Variants in FMNL2 observed in about 807,000 individuals in gnomAD.
FMNL2 encodes formin like 2.
A neutral mutation model predicts 130.2 loss-of-function variants in FMNL2; 51 were observed. That is an observed-to-expected ratio of 0.39 (90% CI 0.31 to 0.49). FMNL2 has a LOEUF of 0.49. Ranked by LOEUF, FMNL2 falls within the 20% of genes least tolerant of loss-of-function variation. The pLI is 0.85. For synonymous variants in FMNL2, 465 were observed against 467.1 expected, an observed-to-expected ratio of 1.00 and a Z score of 0.06; for missense variants, 977 against 1,316.2, an observed-to-expected ratio of 0.74 and a Z score of 3.99.
intron 1 of FMNL2, chr2:152,389,797 G>T: frequency 6.9e-7 from 1 of 1,451,376 alleles, no homozygotes; most frequent in Admixed American, 1.7e-5. Flanking sequence ...ACGCAAAACA[G>T]ACTTTTTCAC....
intron 2 of FMNL2, among the ~76,000 whole-genome samples, chr2:152,540,492 T>C (rs1057095968): frequency 1.3e-5 from 2 of 152,150 alleles, no homozygotes; most frequent in African/African-American, 4.8e-5. Flanking sequence ...AGAGTTCATA[T>C]ACTACAAAAT....
intron 1 of FMNL2, among the ~76,000 whole-genome samples, chr2:152,519,078 C>G (rs1298359533): frequency 2.0e-5 from 3 of 152,146 alleles, no homozygotes; most frequent in African/African-American, 7.2e-5. Context: ...AAGCTAATTC[C>G]TGCCTTTGAG....
intron 3 of FMNL2, among the ~76,000 whole-genome samples, chr2:152,544,267 G>A (rs974290560): frequency 6.6e-6 from 1 of 152,092 alleles, no homozygotes. Flanking sequence ...AATGAGCCAG[G>A]CATGGTGGCA....
At chr2:152,534,688 G>T (rs1693895275) in intron 2 of FMNL2, among the ~76,000 whole-genome samples, 1 of 146,898 alleles carries the variant, frequency 6.8e-6, no homozygotes, top group Admixed American at 7.0e-5. Flanking sequence ...CTTTCTTTTT[G>T]TTTGAAAGGC....
Position 152,589,106 on chromosome 2 carries a change from T to TAAA in FMNL2, c.876+8069_876+8071dup, listed in dbSNP as rs397940537. On this transcript the variant is annotated intron_variant, in intron 9 of 25. Coordinates refer to ENST00000288670, the MANE Select transcript of FMNL2 (RefSeq NM_052905.4). ...CTTTTTTGGTGGTCCTGGGGGAGCT[T>TAAA]AAAAAAAAAAAAAAGAGGAAGTACA... Among the ~76,000 whole-genome samples, 747 of 141,958 alleles carry TAAA rather than the reference T, an allele frequency of 5.3e-3. 4 individuals carry two copies. Among genetic ancestry groups the TAAA allele is most frequent in the Non-Finnish European group, 6.2e-3 (402 of 64,924 alleles). The allele number at this position is 141,958 out of a possible 152,430, so 93.1% of individuals were successfully genotyped here. A position where few individuals can be genotyped will look rare whatever the true frequency, so the allele number is the denominator to read the frequency against.
At chr2:152,514,004 C>T (rs1456689313) in intron 1 of FMNL2, among the ~76,000 whole-genome samples, 35 of 152,030 alleles carry the variant, frequency 2.3e-4, no homozygotes, top group Admixed American at 2.2e-3. Context: ...GTTGTTTGGA[C>T]CATGAATATA....
chr2:152,641,335 A>C (rs1341900628), intron 25 of FMNL2, among the ~76,000 whole-genome samples: 3 of 152,242 alleles, frequency 2.0e-5, no homozygotes, highest in African/African-American at 7.2e-5. Flanking sequence ...TAGGTACTTT[A>C]ATTTGGGTGA....
chr2:152,624,864 C>T (rs936541625), intron 15 of FMNL2, among the ~76,000 whole-genome samples: 5 of 152,112 alleles, frequency 3.3e-5, no homozygotes, highest in Non-Finnish European at 7.3e-5. Context: ...CCATTCATAT[C>T]CCTTAGTCTG....
chr2:152,584,100 T>C (rs1248143424), intron 9 of FMNL2, among the ~76,000 whole-genome samples: 28 of 152,148 alleles, frequency 1.8e-4, no homozygotes, highest in Admixed American at 1.8e-3. Context: ...AATCCCTTCC[T>C]CTTTTTCTCC....
At chr2:152,634,860 C>T (rs1338193586) in intron 21 of FMNL2, among the ~76,000 whole-genome samples, 3 of 151,964 alleles carry the variant, frequency 2.0e-5, no homozygotes, top group East Asian at 1.9e-4. Flanking sequence ...GTAATGGTTT[C>T]GCTGGAATTC....
At chr2:152,456,334 T>C (rs1331099078) in intron 1 of FMNL2, among the ~76,000 whole-genome samples, 1 of 152,180 alleles carries the variant, frequency 6.6e-6, no homozygotes, top group East Asian at 1.9e-4. Flanking sequence ...CTTACCTGTT[T>C]TAGTGAGTCA....
At chr2:152,640,133 A>G (rs1350710204) in intron 24 of FMNL2, 77 bp downstream of exon 24, 34 of 1,297,688 alleles carry the variant, frequency 2.6e-5, no homozygotes, top group Non-Finnish European at 3.3e-5. Flanking sequence ...CATACAAAGG[A>G]CCAGCAAGCC....
chr2:152,491,669 G>A (rs1323391823), intron 1 of FMNL2, among the ~76,000 whole-genome samples: 3 of 152,198 alleles, frequency 2.0e-5, no homozygotes, highest in South Asian at 2.1e-4. Flanking sequence ...CTATAGATCA[G>A]CCAGGGTGTG....
intron 12 of FMNL2, among the ~76,000 whole-genome samples, chr2:152,616,699 G>GT (rs1352617062): frequency 1.3e-5 from 2 of 152,158 alleles, no homozygotes; most frequent in African/African-American, 4.8e-5. Flanking sequence ...AAAGAACCAA[G>GT]TTTACTGTGT....
At chr2:152,637,728 G>A (rs1222835525) in intron 23 of FMNL2, 54 bp downstream of exon 23, 3 of 1,513,802 alleles carry the variant, frequency 2.0e-6, no homozygotes, top group African/African-American at 2.7e-5. Flanking sequence ...CCCTCCTTGA[G>A]ATGTGTCTGA....
chr2:152,437,420 C>T lies in FMNL2; in HGVS notation c.118-84523C>T, dbSNP rs140556042. ...AAAGAATGTCTGATAGTATACTGAG[C>T]AGAGAAACTTACTGTAACTGCAAAG... On this transcript the variant is annotated intron_variant, in intron 1 of 25. Coordinates refer to ENST00000288670, the MANE Select transcript of FMNL2 (RefSeq NM_052905.4). 3.5e-3 allele frequency among the ~76,000 whole-genome samples: 539 copies of T among 152,212 alleles called. 4 individuals carry two copies. Among genetic ancestry groups the T allele is most frequent in the African/African-American group, 0.012 (519 of 41,540 alleles).
In FMNL2 at chr2:152,619,308, G is replaced by C. The variant is rs184137190; in HGVS notation, c.1627+150G>C. 13 of 1,301,406 alleles carry C rather than the reference G, an allele frequency of 1.0e-5. No individual in the cohort carries two copies. The Admixed American group carries it at 3.1e-4, about 31-fold the overall frequency. 80.6% of individuals were successfully genotyped at this position (1,301,406 alleles called of 1,614,324 possible). On this transcript the variant is annotated intron_variant, in intron 14 of 25. Transcript: ENST00000288670. ...AGTAGTTCTTAACTGTTTACATTTT[G>C]AGATTAAATTTATAAATCCTCATTT...
chr2:152,590,006 T>TAC (rs1697334251), intron 9 of FMNL2, among the ~76,000 whole-genome samples: 2 of 140,298 alleles, frequency 1.4e-5, no homozygotes, highest in African/African-American at 2.7e-5. Flanking sequence ...TGTATATATA[T>TAC]ATACATATAC....
chr2:152,381,950 C>A (rs1348168016), intron 1 of FMNL2, among the ~76,000 whole-genome samples: 3 of 152,024 alleles, frequency 2.0e-5, no homozygotes, highest in South Asian at 4.1e-4. Flanking sequence ...AAGCAGGCAT[C>A]ATCACACCCA....
Sources: gnomAD v4.1 joint callset for allele counts (sites outside exome capture counted in the v4.1 genomes callset) on GRCh38, gnomAD v4.1.1 for gene constraint, MANE v1.5 for transcripts, NCBI Gene and HGNC (gene_info 2026-07-23, HGNC 2026-07-21) for gene names.